WDR20: variants seen among roughly 807,000 people sequenced by gnomAD.
The protein encoded by WDR20 is WD repeat-containing protein 20.
In WDR20, 3 loss-of-function variants were observed where a neutral mutation model predicts 38.7. The ratio of observed to expected loss-of-function variants is 0.08; its 90% confidence interval spans 0.04 to 0.20. The LOEUF (loss-of-function observed/expected upper bound fraction) is 0.20. WDR20 is among the 10% of genes least tolerant of loss of function. WDR20 has a pLI of 1.00. For missense variants in WDR20, 559 were observed against 727.7 expected, an observed-to-expected ratio of 0.77 and a Z score of 2.67; for synonymous variants, 298 against 285.6, an observed-to-expected ratio of 1.04 and a Z score of -0.44.
rs756333246 is a variant in WDR20, at chr14:102,195,088, A to G, written c.400A>G (p.Lys134Glu). 2 of 1,613,984 alleles carry G rather than the reference A, an allele frequency of 1.2e-6. No homozygotes were observed. The highest frequency in any genetic ancestry group is 1.7e-6 in the Non-Finnish European group (2 of 1,180,002). Residue 134 changes from lysine (K) to glutamate (E), a missense_variant, in exon 2 of 3, where the codon AAA becomes GAA. Transcript: ENST00000342702. ...AGQVQLIDPI[K>E]KETSKLFNEE... ...CCAAGTCCAGCTTATAGACCCAATCAAAAAAGAAACTAGCAAACTTTTTAA... is the reference window on the plus strand; with the variant it reads ...CCAAGTCCAGCTTATAGACCCAATCGAAAAAGAAACTAGCAAACTTTTTAA...
At chr14:102,140,687 A>G (rs1386714393) in intron 1 of WDR20, among the ~76,000 whole-genome samples, 2 of 151,764 alleles carry the variant, frequency 1.3e-5, no homozygotes, top group Non-Finnish European at 2.9e-5. Flanking sequence ...ACGCAGGGCT[A>G]CTCCACCTGC....
At chr14:102,200,464 TTTTTGTGTGTGTGTGTGTGTG>T (rs758475043) in intron 2 of WDR20, among the ~76,000 whole-genome samples, 21 of 93,272 alleles carry the variant, frequency 2.3e-4, no homozygotes, top group Middle Eastern at 9.9e-3. Flanking sequence ...TAAATTTTTT[TTTTTGTGTGTGTGTGTGTGTG>T]TGTGTGTGTG....
rs1260765969 is a variant in WDR20 at position 102,207,603 on chromosome 14, G to C, written c.433-1000G>C. On this transcript the variant is annotated intron_variant, in intron 2 of 2. Transcript: ENST00000342702. This position sits in a 1 kb window ranked among gnomAD's most constrained non-coding sequence, Gnocchi z 5.0. ...TGCAGTGGAGAGCACTTGGCAGTAGGAGCTTCTAGGTAGAACTTGGGAGTC... is the reference window on the plus strand; with the variant it reads ...TGCAGTGGAGAGCACTTGGCAGTAGCAGCTTCTAGGTAGAACTTGGGAGTC... 2.0e-5 allele frequency among the ~76,000 whole-genome samples: 3 copies of C among 152,210 alleles called. No homozygotes were observed. The highest frequency in any genetic ancestry group is 4.4e-5 in the Non-Finnish European group (3 of 68,036).
downstream of WDR20, chr14:102,212,408 C>CGCGGTGGTTCCTGATA: frequency 8.3e-7 from 1 of 1,211,308 alleles, no homozygotes; most frequent in Non-Finnish European, 1.2e-6. Context: ...GAGGGGCTGC[C>CGCGGTGGTTCCTGATA]TTTGACTGCA....
chr14:102,153,910 G>T, intron 1 of WDR20, among the ~76,000 whole-genome samples: 1 of 152,218 alleles, frequency 6.6e-6, no homozygotes, highest in East Asian at 1.9e-4. Flanking sequence ...CTTTGTCTGG[G>T]TACAGTGGCT....
At chr14:102,214,769 T>C, downstream of WDR20, 2 of 979,474 alleles carry the variant, frequency 2.0e-6, no homozygotes, top group Non-Finnish European at 2.4e-6. Context: ...CTTCCTAACA[T>C]GAAATATTGG....
In WDR20 at chr14:102,195,057, C is replaced by T. The variant is rs758406829; in HGVS notation, c.369C>T (p.Ser123=). ...GTGTCTCTCTCCTAGTGGGCTTTTC[C>T]GCAGGCCAAGTCCAGCTTATAGACC... ...AESVSLLVGF[S]AGQVQLIDPI... The change falls in exon 2 of 3, where the codon TCC becomes TCT. Residue 123 remains serine, a synonymous_variant. Transcript: ENST00000342702. 5.0e-6 allele frequency: 8 copies of T among 1,614,064 alleles called. No individual in the cohort carries two copies. Among genetic ancestry groups the T allele is most frequent in the East Asian group, 4.5e-5 (2 of 44,898 alleles).
intron 1 of WDR20, among the ~76,000 whole-genome samples, chr14:102,168,530 T>C (rs1025645276): frequency 9.2e-5 from 14 of 152,180 alleles, no homozygotes; most frequent in African/African-American, 3.4e-4. Context: ...AACCCAAGTA[T>C]GTGTTTTTTC....
Position 102,143,586 on chromosome 14 carries a change from C to T in WDR20, c.249+3414C>T, listed in dbSNP as rs192279565. On this transcript the variant is annotated intron_variant, in intron 1 of 2. Transcript: ENST00000342702. ...TTGAGACAAAGTCTAGCTCTGTCAC[C>T]CAGGGTGGAGTGCAGTGGCACAATC... 1.2e-3 allele frequency among the ~76,000 whole-genome samples: 178 copies of T among 151,852 alleles called. 1 individual carries two copies. The highest frequency in any genetic ancestry group is 4.0e-3 in the African/African-American group (167 of 41,416).
chr14:102,167,828 G>A (rs944946041), intron 1 of WDR20, among the ~76,000 whole-genome samples: 1 of 152,160 alleles, frequency 6.6e-6, no homozygotes, highest in Non-Finnish European at 1.5e-5. Flanking sequence ...CTGAACTCCT[G>A]TCTATTCTGC....
downstream of WDR20, chr14:102,214,063 T>C (rs1192300011): frequency 1.0e-6 from 1 of 985,620 alleles, no homozygotes; most frequent in Non-Finnish European, 1.2e-6. Flanking sequence ...GACTGGCCTC[T>C]GACTGCGGGG....
downstream of WDR20, among the ~76,000 whole-genome samples, chr14:102,210,840 C>G (rs2062413340): frequency 6.6e-6 from 1 of 152,190 alleles, no homozygotes; most frequent in African/African-American, 2.4e-5. Context: ...TCCGACTTCT[C>G]CCTGACATGG....
chr14:102,150,402 G>C (rs1188070696), intron 1 of WDR20, among the ~76,000 whole-genome samples: 1 of 152,142 alleles, frequency 6.6e-6, no homozygotes, highest in Non-Finnish European at 1.5e-5. Flanking sequence ...AGCCCAGGGT[G>C]GGGAGGTCGA....
chr14:102,147,217 A>G (rs997491326), intron 1 of WDR20, among the ~76,000 whole-genome samples: 1 of 152,178 alleles, frequency 6.6e-6, no homozygotes, highest in African/African-American at 2.4e-5. Context: ...CAACACGGGG[A>G]AACCACATCT....
At chr14:102,224,439 T>C (rs867820662), downstream of WDR20, 4 of 383,090 alleles carry the variant, frequency 1.0e-5, no homozygotes, top group Admixed American at 3.1e-5. Context: ...CCCAACAGAA[T>C]GTGCAGCTAC....
downstream of WDR20, chr14:102,212,598 T>G: frequency 6.5e-7 from 1 of 1,535,658 alleles, no homozygotes; most frequent in Non-Finnish European, 8.7e-7. Flanking sequence ...CCCAACAGCT[T>G]GAGAAGAGGG....
intron 1 of WDR20, among the ~76,000 whole-genome samples, chr14:102,174,871 A>G: frequency 6.6e-6 from 1 of 152,066 alleles, no homozygotes; most frequent in East Asian, 1.9e-4. Flanking sequence ...TTGTCTATTC[A>G]TGTCCTTAGC....
downstream of WDR20, chr14:102,212,608 G>A: frequency 2.0e-6 from 3 of 1,535,734 alleles, no homozygotes; most frequent in South Asian, 1.2e-5. Context: ...TGAGAAGAGG[G>A]CACTGGAGAG....
downstream of WDR20, chr14:102,212,705 C>T (rs2062711679): frequency 1.1e-5 from 16 of 1,486,994 alleles, no homozygotes; most frequent in Admixed American, 2.1e-5. Context: ...GGGGTGGCCG[C>T]GGTGGTTCCT....
Sources: allele counts gnomAD v4.1 joint callset (sites outside exome capture counted in the v4.1 genomes callset), GRCh38; gene constraint gnomAD v4.1.1; non-coding constraint Gnocchi (gnomAD v3.1); transcripts MANE v1.5; gene names NCBI Gene and HGNC (gene_info 2026-07-23, HGNC 2026-07-21).